The following AGMO variants were observed in gnomAD, a reference collection of about 807,000 sequenced individuals.
AGMO encodes the protein alkylglycerol monooxygenase, also known as glyceryl-ether monooxygenase.
Under a neutral mutation model 60.2 loss-of-function variants are expected in AGMO, and 75 were observed. The ratio of observed to expected loss-of-function variants is 1.25; its 90% confidence interval spans 1.03 to 1.51. AGMO has a LOEUF of 1.51. Among genes scored for constraint, AGMO ranks in the 40% most tolerant of loss-of-function variants. The probability of loss-of-function intolerance (pLI) is 0.00; values close to 1 mark genes in which losing one functional copy is unlikely to be tolerated. For synonymous variants in AGMO, 261 were observed against 177.1 expected, an observed-to-expected ratio of 1.47 and a Z score of -3.76; for missense variants, 763 against 525.5, an observed-to-expected ratio of 1.45 and a Z score of -4.42.
At chr7:15,154,463 T>C in the AGMO span, among the ~76,000 whole-genome samples, 5 of 152,256 alleles carry the variant, frequency 3.3e-5, no homozygotes, top group African/African-American at 1.2e-4. Context: ...TGATAGATCT[T>C]TCTCCATCCA....
At chr7:15,560,474 A>T (rs1785275409) in intron 1 of AGMO, among the ~76,000 whole-genome samples, 2 of 152,146 alleles carry the variant, frequency 1.3e-5, no homozygotes, top group Non-Finnish European at 1.5e-5. Flanking sequence ...ATGTGCTCAA[A>T]TTCTATCATC....
chr7:15,252,845 G>C (rs1045296970), intron 12 of AGMO, among the ~76,000 whole-genome samples: 2 of 152,154 alleles, frequency 1.3e-5, no homozygotes, highest in Non-Finnish European at 2.9e-5. Flanking sequence ...AAAAGGGTGG[G>C]CGGGGGCAGT....
At chr7:15,545,299 G>C (rs962734873) in intron 2 of AGMO, among the ~76,000 whole-genome samples, 4 of 152,016 alleles carry the variant, frequency 2.6e-5, no homozygotes, top group African/African-American at 9.7e-5. Flanking sequence ...TACATATTAA[G>C]AATTCTTTAT....
chr7:15,197,584 G>C (rs1781151284), downstream of AGMO, among the ~76,000 whole-genome samples: 1 of 152,174 alleles, frequency 6.6e-6, no homozygotes, highest in Non-Finnish European at 1.5e-5. Context: ...ATAACTAATA[G>C]AGCTAAGGTA....
At chr7:15,261,642 A>G (rs1434985482) in intron 12 of AGMO, among the ~76,000 whole-genome samples, 1 of 152,020 alleles carries the variant, frequency 6.6e-6, no homozygotes, top group Non-Finnish European at 1.5e-5. Context: ...TCCTCCTTAA[A>G]TCATTCCATG....
chr7:15,390,514 C>T (rs754314007), intron 8 of AGMO, among the ~76,000 whole-genome samples, 157 bp downstream of exon 8: 1 of 152,062 alleles, frequency 6.6e-6, no homozygotes, highest in Non-Finnish European at 1.5e-5. Flanking sequence ...CAAACTTTTG[C>T]TTGTGTAACA....
intron 12 of AGMO, among the ~76,000 whole-genome samples, chr7:15,357,595 G>T (rs1648890825): frequency 6.6e-6 from 1 of 152,168 alleles, no homozygotes; most frequent in Admixed American, 6.5e-5. Flanking sequence ...TAGAGTCTCT[G>T]AGCCTAGGCT....
At chr7:15,273,442 T>C (rs1431104489) in intron 12 of AGMO, among the ~76,000 whole-genome samples, 3 of 150,270 alleles carry the variant, frequency 2.0e-5, no homozygotes, top group Non-Finnish European at 4.5e-5. Context: ...GGTTGTGTGA[T>C]ATTATTTCTG....
At chr7:15,464,532 T>A (rs1006562932) in intron 3 of AGMO, among the ~76,000 whole-genome samples, 1 of 152,164 alleles carries the variant, frequency 6.6e-6, no homozygotes, top group Non-Finnish European at 1.5e-5. Flanking sequence ...ATTATTACAC[T>A]TCCTCCACAA....
chr7:15,402,289 CTTTT>C (rs1784569764), intron 5 of AGMO, among the ~76,000 whole-genome samples: 1 of 151,836 alleles, frequency 6.6e-6, no homozygotes. Context: ...TCCTCCTCCT[CTTTT>C]ATTTTTTTCT....
chr7:15,515,929 A>T (rs1783796618), intron 3 of AGMO, among the ~76,000 whole-genome samples: 1 of 152,202 alleles, frequency 6.6e-6, no homozygotes, highest in Non-Finnish European at 1.5e-5. Context: ...ATAAAATTTC[A>T]GTTAGACAGG....
chr7:15,456,061 T>C lies in AGMO; in HGVS notation c.410-24953A>G, dbSNP rs545567356. The stretch of plus-strand genomic sequence containing the variant: ...CTATGCTTCAGACCTCTTGCACTAA[T>C]TCTCTAGTTTTCTTATCTATGTCTA... On this transcript the variant is annotated intron_variant, in intron 3 of 12. Transcript: ENST00000342526. Among the ~76,000 whole-genome samples the C allele has an allele frequency of 1.1e-4, 16 of 152,216 alleles. No individual in the cohort carries two copies. In the South Asian group the frequency reaches 3.1e-3, roughly 30 times the overall value.
chr7:15,365,738 A>C, intron 11 of AGMO, 119 bp from the exon 12 acceptor site: 1 of 704,960 alleles, frequency 1.4e-6, no homozygotes, highest in Non-Finnish European at 2.3e-6. Context: ...ATATATTTGA[A>C]AAGCATGTCC....
intron 3 of AGMO, among the ~76,000 whole-genome samples, chr7:15,523,861 T>A (rs1441268558): frequency 6.6e-6 from 1 of 151,980 alleles, no homozygotes; most frequent in Non-Finnish European, 1.5e-5. Flanking sequence ...CCAGGAAGAA[T>A]AAAAAATATA....
chr7:15,244,381 T>C (rs933071813), intron 12 of AGMO, among the ~76,000 whole-genome samples: 2 of 152,144 alleles, frequency 1.3e-5, no homozygotes, highest in Non-Finnish European at 2.9e-5. Context: ...AAAGAGGCTA[T>C]AGACTGTATA....
chr7:15,357,092 G>A (rs1782563105), intron 12 of AGMO, among the ~76,000 whole-genome samples: 1 of 150,354 alleles, frequency 6.7e-6, no homozygotes, highest in Non-Finnish European at 1.5e-5. Context: ...CCATTGCACA[G>A]AAGCGAGACT....
the AGMO span, among the ~76,000 whole-genome samples, chr7:15,160,661 T>A: frequency 6.6e-6 from 1 of 152,204 alleles, no homozygotes; most frequent in African/African-American, 2.4e-5. Flanking sequence ...GCAAATCTAT[T>A]TATAATTATC....
the AGMO span, among the ~76,000 whole-genome samples, chr7:15,135,141 T>C: frequency 7.6e-5 from 11 of 145,448 alleles, no homozygotes; most frequent in African/African-American, 2.3e-4. Context: ...ACATAGCTAA[T>C]CAAAATTTAT....
intron 12 of AGMO, among the ~76,000 whole-genome samples, chr7:15,351,806 CAT>C (rs985359837): frequency 3.0e-4 from 46 of 152,060 alleles, no homozygotes; most frequent in Admixed American, 2.6e-3. Context: ...AGTAAGCAAA[CAT>C]ATTATGCAAA....
Sources: allele counts gnomAD v4.1 joint callset (sites outside exome capture counted in the v4.1 genomes callset), GRCh38; gene constraint gnomAD v4.1.1; transcripts MANE v1.5; gene names NCBI Gene and HGNC (gene_info 2026-07-23, HGNC 2026-07-21).